The following PPA1 variants were observed in gnomAD, a reference collection of about 807,000 sequenced individuals.
PPA1 encodes inorganic pyrophosphatase.
Under a neutral mutation model 41.8 loss-of-function variants are expected in PPA1, and 23 were observed. That is an observed-to-expected ratio of 0.55 (90% CI 0.40 to 0.78). The LOEUF is 0.78. Among genes scored for constraint, PPA1 ranks in the 30% least tolerant of loss-of-function variants. PPA1 has a pLI of 0.00. For missense variants in PPA1, 320 were observed against 361.6 expected (o/e 0.89, Z 0.93); for synonymous variants, 101 against 116.8 (o/e 0.86, Z 0.87).
chr10:70,232,578 C>G (rs574150262), intron 1 of PPA1, among the ~76,000 whole-genome samples: 1 of 152,328 alleles, frequency 6.6e-6, no homozygotes, highest in African/African-American at 2.4e-5. Flanking sequence ...TTGGCACTTT[C>G]TCAGTCTTGT....
At chr10:70,224,752 C>CA (rs1840209437) in intron 2 of PPA1, among the ~76,000 whole-genome samples, 2 of 152,006 alleles carry the variant, frequency 1.3e-5, no homozygotes, top group Admixed American at 6.6e-5. Flanking sequence ...TTTTTTGAGA[C>CA]AGAGTTTCGC....
At chr10:70,203,781 G>A (rs1263142267) in intron 10 of PPA1, 8 of 152,520 alleles carry the variant, frequency 5.2e-5, no homozygotes, top group Admixed American at 4.6e-4. Flanking sequence ...TGACATCTAA[G>A]GAGGAGAGAA....
chr10:70,204,773 A>G (rs910943380), intron 10 of PPA1, 100 bp downstream of exon 10: 1 of 977,234 alleles, frequency 1.0e-6, no homozygotes, highest in Admixed American at 2.4e-5. Context: ...TGTACCCATA[A>G]ATATATTTAA....
chr10:70,214,969 T>TG (rs770476866), intron 4 of PPA1, among the ~76,000 whole-genome samples: 74 of 151,852 alleles, frequency 4.9e-4, no homozygotes, highest in Non-Finnish European at 9.3e-4. Context: ...CTGAGGAGAG[T>TG]GGATCACCTG....
chr10:70,213,505 T>C lies in PPA1; in HGVS notation c.469A>G (p.Ile157Val), dbSNP rs775273586. 1 of 1,614,086 alleles carries C rather than the reference T, an allele frequency of 6.2e-7. No homozygotes were observed. The highest frequency in any genetic ancestry group is 1.1e-5 in the South Asian group (1 of 91,084). Reference sequence around the variant, plus strand: ...TCAGGATCATCCACATTAATGGCAATGACTTTCCAGTCGGTTTCCCCTTCG... The same window carrying C: ...TCAGGATCATCCACATTAATGGCAACGACTTTCCAGTCGGTTTCCCCTTCG... ...IDEGETDWKVIAINVDDPDAA... is the reference protein window; with the variant it reads ...IDEGETDWKVVAINVDDPDAA... The change falls in exon 6 of 11, where the codon ATT becomes GTT. Residue 157 changes from isoleucine to valine, a missense_variant. By Grantham distance (29) the Ile-to-Val change is conservative. Coordinates refer to ENST00000373232, the MANE Select transcript of PPA1 (RefSeq NM_021129.4).
chr10:70,217,821 G>A lies in PPA1; in HGVS notation c.288C>T (p.Ala96=). The A allele has an allele frequency of 1.3e-5, 20 of 1,571,140 alleles. No individual in the cohort carries two copies. The highest frequency in any genetic ancestry group is 1.6e-5 in the Non-Finnish European group (19 of 1,156,876). The change falls in exon 4 of 11, where the codon GCC becomes GCT. Residue 96 remains alanine, a synonymous_variant. Transcript: ENST00000373232. The part of the protein sequence containing the change: ...PYKGYIWNYG[A]IPQTWEDPGH... The stretch of plus-strand genomic sequence containing the variant: ...TTGCATGAAGACATACCTGAGGGAT[G>A]GCACCATAGTTCCAGATATATCCTT...
intron 6 of PPA1, chr10:70,210,382 G>A (rs755676916): frequency 1.5e-6 from 2 of 1,365,378 alleles, no homozygotes; most frequent in Non-Finnish European, 2.0e-6. Flanking sequence ...TGGTCCAGAG[G>A]CAGAGGCTAT....
chr10:70,216,036 A>C (rs1589893456), intron 4 of PPA1, among the ~76,000 whole-genome samples: 1 of 152,182 alleles, frequency 6.6e-6, no homozygotes, highest in Non-Finnish European at 1.5e-5. Context: ...TTGTCTACTC[A>C]GCTGGAGTAA....
chr10:70,226,346 G>T (rs1013036459), intron 2 of PPA1, among the ~76,000 whole-genome samples: 1 of 152,088 alleles, frequency 6.6e-6, no homozygotes, highest in Non-Finnish European at 1.5e-5. Context: ...AGCTGAGGTG[G>T]GTGGACTGTT....
At position 70,204,670 on chromosome 10, in the gene PPA1, A is replaced by G. The variant is rs559368358; in HGVS notation, c.838+203T>C. The G allele has an allele frequency of 1.3e-4, 60 of 479,612 alleles. 1 individual carries two copies. In the South Asian group the frequency reaches 2.2e-3, roughly 18 times the overall value. 29.7% of individuals were successfully genotyped at this position (479,612 alleles called of 1,614,324 possible). On this transcript the variant is annotated intron_variant, in intron 10 of 10. Transcript: ENST00000373232. ...AGTAGATTTCAAATGTTTTTACCAC[A>G]CAACAAATAATGATTAAGTATGTGA... is the stretch of plus-strand genomic sequence containing the variant.
intron 2 of PPA1, among the ~76,000 whole-genome samples, chr10:70,221,417 C>CAATA (rs1044359987): frequency 2.0e-5 from 3 of 151,896 alleles, no homozygotes; most frequent in African/African-American, 7.3e-5. Flanking sequence ...CTCACTTACC[C>CAATA]AATACAACAT....
rs747186213 is a variant in PPA1 at position 70,218,742 on chromosome 10, C to CACAT, written c.177+21_177+22insATGT. The CACAT allele has an allele frequency of 4.4e-6, 7 of 1,582,370 alleles. No homozygotes were observed. In the African/African-American group the frequency reaches 8.1e-5, roughly 18 times the overall value. On this transcript the variant is annotated intron_variant, in intron 3 of 10. Transcript: ENST00000373232. ...CAAAACCAATATCCTAAGTCTGACT[C>CACAT]AAATGTAAGGTGAAATATTACCTCC...
intron 8 of PPA1, 72 bp from the exon 9 acceptor site, chr10:70,206,405 T>A (rs1839939335): frequency 9.0e-7 from 1 of 1,105,320 alleles, no homozygotes; most frequent in African/African-American, 1.6e-5. Flanking sequence ...AAAAATGAGT[T>A]GAAAGTGGTT....
At chr10:70,209,450 T>C (rs1293142920) in intron 7 of PPA1, 108 bp downstream of exon 7, 32 of 1,393,414 alleles carry the variant, frequency 2.3e-5, no homozygotes. Context: ...AAGACTGTGT[T>C]ATGTTTCCAG....
At chr10:70,226,406 A>C in intron 2 of PPA1, among the ~76,000 whole-genome samples, 1 of 152,024 alleles carries the variant, frequency 6.6e-6, no homozygotes, top group East Asian at 1.9e-4. Context: ...CCAATACAAA[A>C]AAATTAGCCA....
intron 4 of PPA1, among the ~76,000 whole-genome samples, chr10:70,216,100 C>T (rs901553936): frequency 5.9e-5 from 9 of 152,090 alleles, no homozygotes; most frequent in Admixed American, 1.3e-4. Context: ...CTAACAAATC[C>T]AACATTAAGA....
At position 70,233,398 on chromosome 10, in the gene PPA1, A is replaced by T; in HGVS notation, c.-71T>A. On this transcript the variant is annotated 5_prime_UTR_variant, in exon 1 of 11. Transcript: ENST00000373232. ...GCACGCGGCGCCGACTGACAAGGAGAGAGCCCCACGCCTGCGCACTGCGAG... is the reference window on the plus strand; with the variant it reads ...GCACGCGGCGCCGACTGACAAGGAGTGAGCCCCACGCCTGCGCACTGCGAG... The T allele has an allele frequency of 3.3e-6, 5 of 1,516,688 alleles. No homozygotes were observed. Among genetic ancestry groups the T allele is most frequent in the African/African-American group, 2.8e-5 (2 of 70,536 alleles). The allele number at this position is 1,516,688 out of a possible 1,614,324, so 94.0% of individuals were successfully genotyped here. A position where few individuals can be genotyped will look rare whatever the true frequency, so the allele number is the denominator to read the frequency against.
intron 1 of PPA1, among the ~76,000 whole-genome samples, chr10:70,230,650 T>C (rs2136773751): frequency 6.6e-6 from 1 of 152,194 alleles, no homozygotes; most frequent in East Asian, 1.9e-4. Flanking sequence ...GTGTCTTTTG[T>C]AGGGAGGTGG....
chr10:70,218,925 A>C, intron 2 of PPA1, 108 bp from the exon 3 acceptor site: 1 of 759,256 alleles, frequency 1.3e-6, no homozygotes. Context: ...CAGATCTTTG[A>C]AGTCAATTGG....
Sources: gnomAD v4.1 joint callset for allele counts (sites outside exome capture counted in the v4.1 genomes callset) on GRCh38, gnomAD v4.1.1 for gene constraint, MANE v1.5 for transcripts, NCBI Gene and HGNC (gene_info 2026-07-23, HGNC 2026-07-21) for gene names.